Variants in IRAK1BP1 observed in about 807,000 individuals in gnomAD.
IRAK1BP1 encodes the protein interleukin 1 receptor associated kinase 1 binding protein 1.
IRAK1BP1 carries 24 observed loss-of-function variants against 28.0 expected under a neutral mutation model. The observed-to-expected ratio is 0.86, with a 90% CI of 0.62 to 1.20. IRAK1BP1 has a LOEUF of 1.20. IRAK1BP1 is among the 50% of genes most tolerant of loss of function. IRAK1BP1 has a pLI of 0.00. For synonymous variants in IRAK1BP1, 131 were observed against 116.3 expected (o/e 1.13, Z -0.81); for missense variants, 336 against 316.7 (o/e 1.06, Z -0.46).
At chr6:78,888,380 A>C (rs1479593961) in intron 2 of IRAK1BP1, among the ~76,000 whole-genome samples, 1 of 152,192 alleles carries the variant, frequency 6.6e-6, no homozygotes, top group Admixed American at 6.5e-5. Context: ...CACAAGGAAA[A>C]TTTTGGACGT....
intron 4 of IRAK1BP1, chr6:78,940,008 T>C (rs890603742): frequency 1.3e-5 from 2 of 152,458 alleles, no homozygotes; most frequent in African/African-American, 4.8e-5. Context: ...AGAATCAAGG[T>C]CTGAAAAATT....
intron 4 of IRAK1BP1, among the ~76,000 whole-genome samples, chr6:78,910,099 G>T (rs891969569): frequency 6.6e-6 from 1 of 152,106 alleles, no homozygotes; most frequent in African/African-American, 2.4e-5. Flanking sequence ...GGAGAGGAGG[G>T]TTGCCAGACT....
the IRAK1BP1 span, chr6:78,954,935 T>C: frequency 1.3e-6 from 2 of 1,573,462 alleles, no homozygotes; most frequent in East Asian, 4.6e-5. Context: ...CTGGGCTCTA[T>C]TACGTAATCT....
chr6:78,969,645 C>T, the IRAK1BP1 span, among the ~76,000 whole-genome samples: 6 of 152,004 alleles, frequency 3.9e-5, no homozygotes, highest in African/African-American at 1.4e-4. Context: ...ATTTCAACAT[C>T]GACTGTTTTC....
At chr6:78,908,869 T>C (rs1467076081) in intron 4 of IRAK1BP1, among the ~76,000 whole-genome samples, 1 of 152,190 alleles carries the variant, frequency 6.6e-6, no homozygotes, top group African/African-American at 2.4e-5. Context: ...GTTTATTTCT[T>C]GATGTATGTG....
chr6:78,974,281 GTACA>G, the IRAK1BP1 span, among the ~76,000 whole-genome samples: 2 of 151,848 alleles, frequency 1.3e-5, no homozygotes, highest in African/African-American at 4.8e-5. Context: ...TGACTACTGG[GTACA>G]TAATGAAATG....
the IRAK1BP1 span, among the ~76,000 whole-genome samples, chr6:78,972,338 T>C: frequency 3.3e-4 from 50 of 152,250 alleles, no homozygotes; most frequent in African/African-American, 1.2e-3. Flanking sequence ...GAAGGAAAAC[T>C]AACAAACAGA....
the IRAK1BP1 span, among the ~76,000 whole-genome samples, chr6:78,975,223 G>A: frequency 0.094 from 14,196 of 151,450 alleles, 769 homozygotes; most frequent in Middle Eastern, 0.14. Flanking sequence ...TTCAATATAC[G>A]CAAATCAATA....
the IRAK1BP1 span, chr6:78,962,969 C>A: frequency 4.3e-6 from 3 of 690,428 alleles, no homozygotes; most frequent in South Asian, 5.0e-5. Context: ...AAAGAGATTC[C>A]ACTTAAAATG....
chr6:78,927,343 C>G (rs1483965840), intron 4 of IRAK1BP1, among the ~76,000 whole-genome samples: 1 of 152,054 alleles, frequency 6.6e-6, no homozygotes, highest in Non-Finnish European at 1.5e-5. Flanking sequence ...ATTTGTATGT[C>G]TTCTGAGAAA....
At chr6:78,931,472 G>T (rs1412405899) in intron 4 of IRAK1BP1, among the ~76,000 whole-genome samples, 2 of 152,056 alleles carry the variant, frequency 1.3e-5, no homozygotes, top group Admixed American at 6.6e-5. Flanking sequence ...TTTCTCATAG[G>T]TTCCTGGAAA....
chr6:78,935,736 C>T (rs1773251469), intron 4 of IRAK1BP1: 10 of 985,180 alleles, frequency 1.0e-5, no homozygotes, highest in Non-Finnish European at 1.2e-5. Context: ...CTCTAATGAA[C>T]CAGCATTTAC....
chr6:78,919,679 C>T (rs920598276), intron 4 of IRAK1BP1, among the ~76,000 whole-genome samples: 1 of 152,020 alleles, frequency 6.6e-6, no homozygotes, highest in African/African-American at 2.4e-5. Context: ...ATATTAAGTT[C>T]CAAAATTGAA....
In IRAK1BP1 at chr6:78,902,937, T is replaced by G. The variant is rs1772154835; in HGVS notation, c.*4603T>G. 5.6e-6 allele frequency: 5 copies of G among 899,214 alleles called. No homozygotes were observed. The highest frequency in any genetic ancestry group is 8.6e-6 in the Non-Finnish European group (5 of 582,498). The allele number at this position is 899,214 out of a possible 1,614,324, so 55.7% of individuals were successfully genotyped here. On this transcript the variant is annotated 3_prime_UTR_variant, in exon 4 of 4. Coordinates refer to ENST00000369940, the MANE Select transcript of IRAK1BP1 (RefSeq NM_001010844.4). ...TTTCAAGAAGGATTGTTTTCTACTA[T>G]TAAAACAATAAAACTCTTATAAACC...
At chr6:78,948,038 A>G (rs1773925058), downstream of IRAK1BP1, among the ~76,000 whole-genome samples, 1 of 152,032 alleles carries the variant, frequency 6.6e-6, no homozygotes, top group Non-Finnish European at 1.5e-5. Context: ...TGGGAGATGG[A>G]GTTGTATTGG....
At chr6:78,974,593 T>C in the IRAK1BP1 span, among the ~76,000 whole-genome samples, 1 of 151,964 alleles carries the variant, frequency 6.6e-6, no homozygotes, top group Non-Finnish European at 1.5e-5. Context: ...CAGGAGCTGG[T>C]TTTTTGAAAG....
the IRAK1BP1 span, among the ~76,000 whole-genome samples, chr6:78,964,619 A>G: frequency 6.6e-6 from 1 of 152,038 alleles, no homozygotes; most frequent in African/African-American, 2.4e-5. Context: ...CAACCTTCTG[A>G]GTAGCTGGGA....
chr6:78,970,740 T>C, the IRAK1BP1 span: 15 of 1,270,860 alleles, frequency 1.2e-5, no homozygotes, highest in South Asian at 5.2e-5. Context: ...AATTCCATAA[T>C]TGTATTTTTG....
chr6:78,909,593 G>A (rs1772351863), intron 4 of IRAK1BP1, among the ~76,000 whole-genome samples: 1 of 152,226 alleles, frequency 6.6e-6, no homozygotes, highest in Non-Finnish European at 1.5e-5. Flanking sequence ...AATCTGAACA[G>A]CACTGCTGGG....
Sources: allele counts gnomAD v4.1 joint callset (sites outside exome capture counted in the v4.1 genomes callset), GRCh38; gene constraint gnomAD v4.1.1; transcripts MANE v1.5; gene names NCBI Gene and HGNC (gene_info 2026-07-23, HGNC 2026-07-21).